HDAC9: variants seen among roughly 807,000 people sequenced by gnomAD.
HDAC9 encodes MEF-2 interacting transcription repressor (MITR) protein.
HDAC9 carries 41 observed loss-of-function variants against 139.4 expected under a neutral mutation model. The observed-to-expected ratio is 0.29, with a 90% CI of 0.23 to 0.38. The LOEUF is 0.38. HDAC9 is among the 10% of genes least tolerant of loss of function. The pLI is 1.00. For synonymous variants in HDAC9, 517 were observed against 476.2 expected, an observed-to-expected ratio of 1.09 and a Z score of -1.12; for missense variants, 1,147 against 1,297.0, an observed-to-expected ratio of 0.88 and a Z score of 1.78.
At chr7:18,750,632 A>C (rs1788360506) in intron 14 of HDAC9, among the ~76,000 whole-genome samples, 1 of 151,868 alleles carries the variant, frequency 6.6e-6, no homozygotes, top group Admixed American at 6.6e-5. Flanking sequence ...AGGCTTTCAT[A>C]CTCTGGTCAA....
At chr7:18,131,353 G>T (rs1037396737) in intron 1 of HDAC9, among the ~76,000 whole-genome samples, 2 of 152,126 alleles carry the variant, frequency 1.3e-5, no homozygotes, top group African/African-American at 2.4e-5. Flanking sequence ...AAATTTGGTT[G>T]TTGGGTAGAT....
intron 14 of HDAC9, among the ~76,000 whole-genome samples, chr7:18,750,259 T>A (rs1262961450): frequency 1.3e-5 from 2 of 152,134 alleles, no homozygotes; most frequent in Non-Finnish European, 2.9e-5. Context: ...GATAAAAAAA[T>A]TTTCTTTATG....
chr7:18,504,538 C>G (rs2128166020), intron 2 of HDAC9, among the ~76,000 whole-genome samples: 1 of 152,354 alleles, frequency 6.6e-6, no homozygotes, highest in Non-Finnish European at 1.5e-5. Context: ...CTCCTGACCT[C>G]AAGTGATCTG....
chr7:18,389,910 T>G (rs1283504811), intron 1 of HDAC9, among the ~76,000 whole-genome samples: 1 of 152,208 alleles, frequency 6.6e-6, no homozygotes, highest in African/African-American at 2.4e-5. Context: ...TGTGACTTCC[T>G]GAGGATACAG....
In HDAC9 at chr7:18,586,808, C is replaced by A. The variant is rs76919640; in HGVS notation, c.264+1286C>A. The stretch of plus-strand genomic sequence containing the variant: ...TTAAAGTGAGAGTATTTTCTTTTGT[C>A]CCAAATGGAATCAGTAGCTCATGGC... On this transcript the variant is annotated intron_variant, in intron 3 of 25. Coordinates refer to ENST00000686413, the MANE Select transcript of HDAC9 (RefSeq NM_178425.4). 5.1e-3 allele frequency among the ~76,000 whole-genome samples: 783 copies of A among 152,040 alleles called. 7 individuals are homozygous for A. Among genetic ancestry groups the A allele is most frequent in the African/African-American group, 0.018 (746 of 41,500 alleles).
At chr7:18,765,626 G>GTTATCATA (rs1789769404) in intron 15 of HDAC9, among the ~76,000 whole-genome samples, 1 of 151,946 alleles carries the variant, frequency 6.6e-6, no homozygotes, top group Non-Finnish European at 1.5e-5. Context: ...AACTTACTAT[G>GTTATCATA]TTATCATATT....
At chr7:18,987,386 T>C (rs2129346270) in intron 25 of HDAC9, among the ~76,000 whole-genome samples, 1 of 152,368 alleles carries the variant, frequency 6.6e-6, no homozygotes, top group East Asian at 1.9e-4. Flanking sequence ...TTTGCATATA[T>C]TGAACCAGCC....
intron 12 of HDAC9, chr7:18,668,046 T>A (rs1795311400): frequency 1.0e-6 from 1 of 980,472 alleles, no homozygotes; most frequent in Non-Finnish European, 1.2e-6. Context: ...TTTTGCCAAA[T>A]GTAGACATTG....
intron 2 of HDAC9, among the ~76,000 whole-genome samples, chr7:18,546,237 A>G (rs1382256155): frequency 1.3e-5 from 2 of 152,222 alleles, no homozygotes; most frequent in East Asian, 3.8e-4. Flanking sequence ...CAGTGTAAGA[A>G]TATGATTTCA....
intron 22 of HDAC9, among the ~76,000 whole-genome samples, chr7:18,902,426 G>C (rs1201980526): frequency 1.3e-5 from 2 of 152,144 alleles, no homozygotes; most frequent in Non-Finnish European, 2.9e-5. Flanking sequence ...GGAGAAAAAT[G>C]AGGCTTTGGC....
intron 6 of HDAC9, among the ~76,000 whole-genome samples, chr7:18,615,176 A>G (rs1009671409): frequency 2.0e-5 from 3 of 152,182 alleles, no homozygotes; most frequent in Non-Finnish European, 4.4e-5. Flanking sequence ...CTGGAATTGT[A>G]TCTCATACTA....
intron 1 of HDAC9, among the ~76,000 whole-genome samples, chr7:18,338,519 A>G (rs1781753747): frequency 1.3e-5 from 2 of 151,656 alleles, no homozygotes; most frequent in Admixed American, 6.6e-5. Flanking sequence ...CATGTCATCA[A>G]GAATGCATTT....
At chr7:18,524,132 T>C (rs1476082797) in intron 2 of HDAC9, among the ~76,000 whole-genome samples, 1 of 152,080 alleles carries the variant, frequency 6.6e-6, no homozygotes, top group Non-Finnish European at 1.5e-5. Flanking sequence ...GGAAGGTATA[T>C]AGAGATTGGG....
intron 2 of HDAC9, among the ~76,000 whole-genome samples, chr7:18,530,844 AAAGTG>A (rs982166047): frequency 1.7e-4 from 25 of 150,600 alleles, no homozygotes; most frequent in African/African-American, 6.1e-4. Context: ...AACACTTATA[AAAGTG>A]TGAGAATTTA....
At chr7:18,755,300 G>A (rs894487268) in intron 14 of HDAC9, among the ~76,000 whole-genome samples, 45 of 152,126 alleles carry the variant, frequency 3.0e-4, no homozygotes, top group African/African-American at 9.7e-4. Flanking sequence ...TTTTAACAAT[G>A]TCTGCTAAAC....
intron 2 of HDAC9, among the ~76,000 whole-genome samples, chr7:18,544,296 G>T (rs762218378): frequency 2.0e-5 from 3 of 152,206 alleles, no homozygotes; most frequent in Non-Finnish European, 4.4e-5. Context: ...AAGCCTCAAG[G>T]ACAACTCTTT....
chr7:18,583,439 A>G (rs1828435790), intron 2 of HDAC9, among the ~76,000 whole-genome samples: 1 of 152,134 alleles, frequency 6.6e-6, no homozygotes, highest in African/African-American at 2.4e-5. Flanking sequence ...GCTTTTGAAG[A>G]GCCTGGTGCT....
At chr7:18,329,983 ATGTGTGTG>A (rs35227059) in intron 1 of HDAC9, among the ~76,000 whole-genome samples, 1 of 111,782 alleles carries the variant, frequency 8.9e-6, no homozygotes, top group African/African-American at 3.5e-5. Flanking sequence ...GCTTGTGTGT[ATGTGTGTG>A]TGTGTGTGTG....
At chr7:18,866,650 G>T (rs1028051954) in intron 21 of HDAC9, among the ~76,000 whole-genome samples, 1 of 152,154 alleles carries the variant, frequency 6.6e-6, no homozygotes, top group Non-Finnish European at 1.5e-5. Flanking sequence ...ACTTCTAAAT[G>T]AATATAAAAA....
Sources: gnomAD v4.1 joint callset for allele counts (sites outside exome capture counted in the v4.1 genomes callset) on GRCh38, gnomAD v4.1.1 for gene constraint, MANE v1.5 for transcripts, NCBI Gene and HGNC (gene_info 2026-07-23, HGNC 2026-07-21) for gene names.